ATP8A2: variants seen among roughly 807,000 people sequenced by gnomAD.
ATP8A2 encodes phospholipid-transporting ATPase IB.
ATP8A2 carries 100 observed loss-of-function variants against 165.6 expected under a neutral mutation model. The ratio of observed to expected loss-of-function variants is 0.60; its 90% CI spans 0.51 to 0.71. ATP8A2 has a LOEUF of 0.71. Among genes scored for constraint, ATP8A2 ranks in the 30% least tolerant of loss-of-function variants. The pLI, the probability that ATP8A2 is intolerant of heterozygous loss-of-function variation, is 0.00. For missense variants in ATP8A2, 1,227 were observed against 1,479.5 expected (o/e 0.83, Z 2.80); for synonymous variants, 543 against 548.8 (o/e 0.99, Z 0.15).
intron 27 of ATP8A2, among the ~76,000 whole-genome samples, chr13:25,777,060 G>A (rs750669083): frequency 6.6e-6 from 1 of 152,080 alleles, no homozygotes; most frequent in Non-Finnish European, 1.5e-5. Context: ...GGCCCTGAAA[G>A]TGCCACATGC....
intron 24 of ATP8A2, among the ~76,000 whole-genome samples, chr13:25,592,249 T>C (rs1237035355): frequency 6.6e-6 from 1 of 150,528 alleles, no homozygotes; most frequent in Non-Finnish European, 1.5e-5. Context: ...TTTTTCTACC[T>C]CCCTTTAGTC....
intron 25 of ATP8A2, among the ~76,000 whole-genome samples, chr13:25,722,998 C>T (rs1448285543): frequency 1.3e-5 from 2 of 152,164 alleles, no homozygotes; most frequent in South Asian, 2.1e-4. Flanking sequence ...CGTGTTAATT[C>T]CTGTAGGTGG....
chr13:25,739,206 G>A (rs2043853748), intron 25 of ATP8A2, among the ~76,000 whole-genome samples: 1 of 152,208 alleles, frequency 6.6e-6, no homozygotes, highest in African/African-American at 2.4e-5. Flanking sequence ...CATGGCACAT[G>A]CTAATGCAGG....
rs920415445 is a variant in ATP8A2, at chr13:25,961,246, C to T, written c.3184-329C>T. On this transcript the variant is annotated intron_variant, in intron 33 of 36. Transcript: ENST00000381655. ...GAGCCTAGTGAGGCAACGTTTACTC[C>T]TCAGTGAAGCAGTGTTGGTGACTCC... 3.3e-5 allele frequency among the ~76,000 whole-genome samples: 5 copies of T among 152,280 alleles called. No homozygotes were observed. In the East Asian group the frequency reaches 9.7e-4, roughly 29 times the overall value.
At chr13:25,541,177 T>G (rs2038464587) in intron 8 of ATP8A2, among the ~76,000 whole-genome samples, 2 of 152,162 alleles carry the variant, frequency 1.3e-5, no homozygotes, top group Non-Finnish European at 2.9e-5. Flanking sequence ...GAATGAAGAA[T>G]GGTCTTTAAC....
intron 27 of ATP8A2, among the ~76,000 whole-genome samples, chr13:25,810,791 A>C (rs964812290): frequency 1.3e-4 from 20 of 152,284 alleles, no homozygotes; most frequent in African/African-American, 3.8e-4. Flanking sequence ...AGCTGGATGT[A>C]CACGCAGTTG....
chr13:25,950,140 C>G (rs1449776172), intron 33 of ATP8A2, among the ~76,000 whole-genome samples: 1 of 152,188 alleles, frequency 6.6e-6, no homozygotes, highest in East Asian at 1.9e-4. Flanking sequence ...TCGTTTTAAA[C>G]CTGTCCCATT....
At chr13:25,664,243 C>T (rs1445747906) in intron 24 of ATP8A2, among the ~76,000 whole-genome samples, 1 of 152,126 alleles carries the variant, frequency 6.6e-6, no homozygotes, top group African/African-American at 2.4e-5. Context: ...AAGTAAAGGT[C>T]TTTACCTACT....
intron 33 of ATP8A2, among the ~76,000 whole-genome samples, chr13:25,929,428 TA>T (rs1954702520): frequency 6.6e-6 from 1 of 152,226 alleles, no homozygotes; most frequent in South Asian, 2.1e-4. Flanking sequence ...AAGGCAGATA[TA>T]TCCTTCAGAA....
Position 25,953,547 on chromosome 13 carries a change from G to A in ATP8A2, c.3184-8028G>A, listed in dbSNP as rs73155947. ...TAAAAAAAAAAAAAAAAAAAAAAAA[G>A]CAAGGGAAATAGGCAAGACGGCCAA... On this transcript the variant is annotated intron_variant, in intron 33 of 36. Coordinates refer to ENST00000381655, the MANE Select transcript of ATP8A2 (RefSeq NM_016529.6). This position sits in a 1 kb window ranked among gnomAD's most constrained non-coding sequence, Gnocchi z 6.7. Among the ~76,000 whole-genome samples the A allele has an allele frequency of 0.11, 8,326 of 77,336 alleles. 555 individuals are homozygous for A. Among genetic ancestry groups the A allele is most frequent in the African/African-American group, 0.27 (5,729 of 21,014 alleles). The allele number at this position is 77,336 out of a possible 152,430, so 50.7% of individuals were successfully genotyped here. A position where few individuals can be genotyped will look rare whatever the true frequency, so the allele number is the denominator to read the frequency against.
chr13:25,906,589 C>T (rs140808742), intron 33 of ATP8A2, among the ~76,000 whole-genome samples: 1 of 152,116 alleles, frequency 6.6e-6, no homozygotes, highest in East Asian at 1.9e-4. Context: ...TCTCTCTCCC[C>T]CTCTTGCCGT....
intron 33 of ATP8A2, among the ~76,000 whole-genome samples, chr13:25,951,432 A>G (rs1032783905): frequency 1.3e-5 from 2 of 152,252 alleles, no homozygotes; most frequent in African/African-American, 4.8e-5. Flanking sequence ...GTTTGAGAAC[A>G]GGCAAAACTT....
At chr13:25,990,252 A>G (rs1191557154) in intron 35 of ATP8A2, among the ~76,000 whole-genome samples, 7 of 133,980 alleles carry the variant, frequency 5.2e-5, no homozygotes, top group Non-Finnish European at 9.3e-5. Context: ...GGTGCCAAGC[A>G]TGTAACTGTA....
chr13:25,541,928 C>T lies in ATP8A2; in HGVS notation c.661C>T (p.His221Tyr), dbSNP rs761331228. ...TNLKIRQGLS[H>Y]TADMQTREVL... Reference sequence around the variant, plus strand: ...TGGTTTAATCTTTTAGGGTTTGAGTCACACTGCTGACATGCAAACACGTGA... The same window carrying T: ...TGGTTTAATCTTTTAGGGTTTGAGTTACACTGCTGACATGCAAACACGTGA... Residue 221 changes from histidine to tyrosine, a missense_variant, in exon 9 of 37, where the codon CAC becomes TAC. Around this residue, in one of 5 missense-constraint regions of ATP8A2, gnomAD observed 356 missense variants for 394.9 expected, o/e 0.90. Coordinates refer to ENST00000381655, the MANE Select transcript of ATP8A2 (RefSeq NM_016529.6). 3 of 1,613,986 alleles carry T rather than the reference C, an allele frequency of 1.9e-6. No individual in the cohort carries two copies. The highest frequency in any genetic ancestry group is 4.5e-5 in the East Asian group (2 of 44,874).
intron 16 of ATP8A2, 137 bp downstream of exon 16, chr13:25,564,168 G>A (rs2039245379): frequency 3.0e-6 from 2 of 665,460 alleles, no homozygotes; most frequent in Non-Finnish European, 5.5e-6. Context: ...GTCCTTCTGA[G>A]AAGTGATCTT....
intron 1 of ATP8A2, among the ~76,000 whole-genome samples, chr13:25,442,382 C>T (rs1036454297): frequency 1.3e-5 from 2 of 152,186 alleles, no homozygotes; most frequent in Admixed American, 6.6e-5. Flanking sequence ...AAAGGTTCCA[C>T]TCTCACCACA....
chr13:25,841,976 G>A (rs778022867), intron 30 of ATP8A2, among the ~76,000 whole-genome samples: 54 of 152,010 alleles, frequency 3.6e-4, no homozygotes, highest in Admixed American at 1.4e-3. Context: ...TGAGGGTGGC[G>A]CCCCCATGAC....
chr13:25,741,803 TGGGTTCTGGGGCAGTATCTGCCCCTTTTA>T (rs1307873665), intron 25 of ATP8A2, among the ~76,000 whole-genome samples: 2 of 152,034 alleles, frequency 1.3e-5, no homozygotes, highest in Non-Finnish European at 2.9e-5. Context: ...CCCAGAAAAT[TGGGTTCTGGGGCAGTATCTGCCCCTTTTA>T]GATGCATGAG....
In ATP8A2 at chr13:25,971,174, C is replaced by T. The variant is rs114395106; in HGVS notation, c.3377+2495C>T. Among the ~76,000 whole-genome samples, 405 of 152,088 alleles carry T rather than the reference C, an allele frequency of 2.7e-3. 1 individual carries two copies. Among genetic ancestry groups the T allele is most frequent in the African/African-American group, 9.3e-3 (386 of 41,500 alleles). The stretch of plus-strand genomic sequence containing the variant: ...CTCTGCCGCTCATCCTCCTCAGTGA[C>T]CCCCTCCCATTTGTTTTTCTCACTC... On this transcript the variant is annotated intron_variant, in intron 35 of 36. Transcript: ENST00000381655.
Sources: allele counts gnomAD v4.1 joint callset (sites outside exome capture counted in the v4.1 genomes callset), GRCh38; gene constraint gnomAD v4.1.1; regional missense constraint gnomAD v4.1.1; non-coding constraint Gnocchi (gnomAD v3.1); transcripts MANE v1.5; gene names NCBI Gene and HGNC (gene_info 2026-07-23, HGNC 2026-07-21).